The following USP15 variants were observed in gnomAD, a reference collection of about 807,000 sequenced individuals.
The protein encoded by USP15 is ubiquitin carboxyl-terminal hydrolase 15.
A neutral mutation model predicts 127.1 loss-of-function variants in USP15; 18 were observed. The observed-to-expected ratio is 0.14, with a 90% CI of 0.10 to 0.21. The LOEUF is 0.21. Ranked by LOEUF, USP15 falls within the 10% of genes least tolerant of loss-of-function variation. The probability of loss-of-function intolerance (pLI) is 1.00; values close to 1 mark genes in which losing one functional copy is unlikely to be tolerated. For missense variants in USP15, 805 were observed against 1,159.9 expected, an observed-to-expected ratio of 0.69 and a Z score of 4.44; for synonymous variants, 364 against 393.7, an observed-to-expected ratio of 0.92 and a Z score of 0.89.
At chr12:62,265,597 A>C (rs2063173186) in intron 1 of USP15, among the ~76,000 whole-genome samples, 1 of 152,162 alleles carries the variant, frequency 6.6e-6, no homozygotes, top group Non-Finnish European at 1.5e-5. Flanking sequence ...CCCAGGCTGG[A>C]GTGTAGTGGC....
chr12:62,327,510 TTTAAG>T (rs767127064), intron 6 of USP15, among the ~76,000 whole-genome samples: 9 of 152,174 alleles, frequency 5.9e-5, no homozygotes, highest in Non-Finnish European at 1.2e-4. Context: ...TTGCTATATC[TTTAAG>T]TTATTTTTGA....
chr12:62,273,471 G>A (rs935935988), intron 1 of USP15, among the ~76,000 whole-genome samples: 1 of 151,998 alleles, frequency 6.6e-6, no homozygotes, highest in Non-Finnish European at 1.5e-5. Context: ...ACAGTCGAAG[G>A]GTTTTATTGC....
At chr12:62,397,895 T>C (rs1035105584) in intron 20 of USP15, among the ~76,000 whole-genome samples, 1 of 151,958 alleles carries the variant, frequency 6.6e-6, no homozygotes, top group Non-Finnish European at 1.5e-5. Context: ...GATTTCTATC[T>C]TGTTAGTCTT....
chr12:62,324,563 G>C (rs1176976389), intron 5 of USP15, among the ~76,000 whole-genome samples: 1 of 151,906 alleles, frequency 6.6e-6, no homozygotes, highest in Non-Finnish European at 1.5e-5. Flanking sequence ...ATATCAGAAT[G>C]AAAATCAGAA....
intron 5 of USP15, among the ~76,000 whole-genome samples, chr12:62,323,821 T>G (rs894379704): frequency 1.3e-5 from 2 of 152,214 alleles, no homozygotes; most frequent in African/African-American, 4.8e-5. Context: ...AATAATTTGA[T>G]GTTCTTGATA....
intron 5 of USP15, among the ~76,000 whole-genome samples, chr12:62,324,945 T>C (rs191514470): frequency 1.3e-5 from 2 of 152,164 alleles, no homozygotes; most frequent in Admixed American, 1.3e-4. Context: ...AAAGACTTAA[T>C]GAAACAGTAA....
intron 7 of USP15, among the ~76,000 whole-genome samples, chr12:62,353,232 T>A (rs1465176260): frequency 6.6e-6 from 1 of 151,984 alleles, no homozygotes; most frequent in Non-Finnish European, 1.5e-5. Context: ...TTGAGCAAAG[T>A]TGTAGATATT....
chr12:62,264,204 GA>G (rs2063143872), intron 1 of USP15, among the ~76,000 whole-genome samples: 1 of 152,080 alleles, frequency 6.6e-6, no homozygotes, highest in South Asian at 2.1e-4. Context: ...GGTTGGTCTC[GA>G]ACTCCTGGCC....
intron 1 of USP15, among the ~76,000 whole-genome samples, chr12:62,260,714 A>G (rs2063021700): frequency 6.6e-6 from 1 of 151,992 alleles, no homozygotes. Context: ...GGCATGCTGA[A>G]AGGTATCCGG....
At chr12:62,398,079 C>T (rs926443102) in intron 20 of USP15, among the ~76,000 whole-genome samples, 1 of 151,800 alleles carries the variant, frequency 6.6e-6, no homozygotes, top group East Asian at 1.9e-4. Context: ...GCAACCTCCA[C>T]CTCCTGGGTT....
intron 19 of USP15, among the ~76,000 whole-genome samples, chr12:62,394,602 C>T (rs940464504): frequency 4.6e-5 from 7 of 152,152 alleles, no homozygotes; most frequent in African/African-American, 1.7e-4. Context: ...GTAATCCCAG[C>T]ACTTTGGGAG....
At chr12:62,290,128 A>G (rs1314683452) in intron 1 of USP15, among the ~76,000 whole-genome samples, 1 of 152,182 alleles carries the variant, frequency 6.6e-6, no homozygotes, top group Non-Finnish European at 1.5e-5. Flanking sequence ...TGCCAAATAC[A>G]TTTAGTTTAG....
chr12:62,306,501 G>A (rs538042182), intron 3 of USP15, among the ~76,000 whole-genome samples: 1 of 152,276 alleles, frequency 6.6e-6, no homozygotes, highest in South Asian at 2.1e-4. Context: ...AGTGGTCTTT[G>A]TTATACAGTG....
intron 6 of USP15, among the ~76,000 whole-genome samples, chr12:62,339,811 A>G (rs2065592546): frequency 6.6e-6 from 1 of 152,222 alleles, no homozygotes; most frequent in South Asian, 2.1e-4. Context: ...GGATTTTTGC[A>G]TCAATGTGCA....
At chr12:62,383,805 C>G (rs1256326828) in intron 9 of USP15, 35 bp from the exon 10 acceptor site, 2 of 1,600,744 alleles carry the variant, frequency 1.2e-6, no homozygotes, top group Admixed American at 1.7e-5. Context: ...AACCCTGTTC[C>G]TAGAACTGAT....
At chr12:62,329,844 T>C (rs2065236482) in intron 6 of USP15, among the ~76,000 whole-genome samples, 1 of 152,218 alleles carries the variant, frequency 6.6e-6, no homozygotes, top group African/African-American at 2.4e-5. Flanking sequence ...TGTAAACTAA[T>C]ATTGTCATTC....
intron 6 of USP15, among the ~76,000 whole-genome samples, chr12:62,336,951 G>A (rs547985530): frequency 6.6e-6 from 1 of 152,290 alleles, no homozygotes; most frequent in East Asian, 1.9e-4. Context: ...ACCTTTTATA[G>A]TATTAAAATC....
intron 8 of USP15, among the ~76,000 whole-genome samples, chr12:62,377,185 T>A (rs1330255225): frequency 1.3e-5 from 2 of 152,186 alleles, no homozygotes; most frequent in Non-Finnish European, 2.9e-5. Context: ...TTATCCCTCC[T>A]TCATGTTTCA....
chr12:62,381,257 G>A (rs1312568745), intron 8 of USP15, among the ~76,000 whole-genome samples: 1 of 152,154 alleles, frequency 6.6e-6, no homozygotes, highest in Middle Eastern at 3.4e-3. Flanking sequence ...AGATTTTACA[G>A]CAGCGGATAT....
Sources: allele counts gnomAD v4.1 joint callset (sites outside exome capture counted in the v4.1 genomes callset), GRCh38; gene constraint gnomAD v4.1.1; transcripts MANE v1.5; gene names NCBI Gene and HGNC (gene_info 2026-07-23, HGNC 2026-07-21).